The following ADAM12 variants were observed in gnomAD, a reference collection of about 807,000 sequenced individuals.
The protein encoded by ADAM12 is ADAM metallopeptidase domain 12.
ADAM12 carries 70 observed loss-of-function variants against 106.4 expected under a neutral mutation model. The ratio of observed to expected loss-of-function variants is 0.66; its 90% confidence interval spans 0.54 to 0.80. The LOEUF is 0.80. Among genes scored for constraint, ADAM12 ranks in the 30% least tolerant of loss-of-function variants. ADAM12 has a pLI of 0.00. For synonymous variants in ADAM12, 420 were observed against 433.5 expected (o/e 0.97, Z 0.39); for missense variants, 1,010 against 1,171.9 (o/e 0.86, Z 2.02).
intron 7 of ADAM12, 40 bp downstream of exon 7, chr10:126,109,735 C>A: frequency 1.9e-6 from 3 of 1,574,824 alleles, no homozygotes; most frequent in Non-Finnish European, 1.7e-6. Flanking sequence ...TTTCTTTTAT[C>A]TCTAACCAAC....
At chr10:126,029,520 T>C (rs1367257586) in intron 21 of ADAM12, among the ~76,000 whole-genome samples, 1 of 152,086 alleles carries the variant, frequency 6.6e-6, no homozygotes, top group East Asian at 1.9e-4. Context: ...TTTTCACTTA[T>C]TAAGTGGGAG....
intron 1 of ADAM12, among the ~76,000 whole-genome samples, chr10:126,345,483 T>C (rs545710127): frequency 1.3e-3 from 194 of 152,312 alleles, no homozygotes; most frequent in African/African-American, 4.5e-3. Flanking sequence ...TCTAAAATTC[T>C]CCTTTTTTGT....
In ADAM12 at chr10:126,053,246, G is replaced by C. The variant is rs191218705; in HGVS notation, c.1610-3577C>G. Among the ~76,000 whole-genome samples the C allele has an allele frequency of 6.6e-6, 1 of 152,256 alleles. No individual in the cohort carries two copies. Among genetic ancestry groups the C allele is most frequent in the Non-Finnish European group, 1.5e-5 (1 of 68,008 alleles). On this transcript the variant is annotated intron_variant, in intron 14 of 22. Coordinates refer to ENST00000448723, the MANE Select transcript of ADAM12 (RefSeq NM_001288973.2). This position sits in a 1 kb window ranked among gnomAD's most constrained non-coding sequence, Gnocchi z 4.6. The stretch of plus-strand genomic sequence containing the variant: ...CTTCCTGTAAAGCCTGCAGAACCAA[G>C]AACCAATTAAACCTTTTTTCTTTAT...
intron 5 of ADAM12, among the ~76,000 whole-genome samples, chr10:126,129,498 G>A (rs982877943): frequency 1.1e-4 from 16 of 152,208 alleles, no homozygotes; most frequent in African/African-American, 3.9e-4. Context: ...ACAGTTTGAT[G>A]TCTGTGCCCT....
At chr10:126,121,153 ATACTAT>A (rs1956093710) in intron 5 of ADAM12, among the ~76,000 whole-genome samples, 8 of 58,594 alleles carry the variant, frequency 1.4e-4, no homozygotes, top group Non-Finnish European at 2.4e-4. Flanking sequence ...TATACTATAT[ATACTAT>A]ATATACTATA....
rs1554989462 is a variant in ADAM12 at position 126,221,404 on chromosome 10, A to AAG, written c.260+57510_260+57511insCT. ...GACTCTGTCTCAAAAAAAAAAAAAA[A>AAG]AAAGAAAGAAAGAAAGAAAGAGAAG... On this transcript the variant is annotated intron_variant, in intron 3 of 22. Transcript: ENST00000448723. Among the ~76,000 whole-genome samples, 241 of 149,894 alleles carry AAG rather than the reference A, an allele frequency of 1.6e-3. 1 individual carries two copies. The highest frequency in any genetic ancestry group is 5.7e-3 in the African/African-American group (232 of 40,622).
chr10:126,298,101 C>G (rs115059051), intron 2 of ADAM12, among the ~76,000 whole-genome samples: 3,281 of 152,034 alleles, frequency 0.022, 126 homozygotes, highest in African/African-American at 0.073. Context: ...GCTTAGGCAC[C>G]AACCAACCAT....
At chr10:126,245,808 G>GT (rs1199612412) in intron 3 of ADAM12, among the ~76,000 whole-genome samples, 2 of 152,166 alleles carry the variant, frequency 1.3e-5, no homozygotes, top group African/African-American at 4.8e-5. Context: ...TGGCAAGAAA[G>GT]TGGCCCTTTC....
At chr10:126,095,301 G>C (rs958262566) in intron 10 of ADAM12, among the ~76,000 whole-genome samples, 11 of 150,390 alleles carry the variant, frequency 7.3e-5, no homozygotes, top group Non-Finnish European at 1.2e-4. Context: ...TTGCGAGGCT[G>C]AGGCAGGGGG....
intron 3 of ADAM12, among the ~76,000 whole-genome samples, chr10:126,195,548 T>C (rs1957581760): frequency 6.6e-6 from 1 of 152,064 alleles, no homozygotes; most frequent in East Asian, 1.9e-4. Flanking sequence ...CACTCCAGCC[T>C]GGGCAATAAG....
intron 22 of ADAM12, among the ~76,000 whole-genome samples, chr10:126,019,297 G>A (rs149475192): frequency 2.6e-5 from 4 of 152,186 alleles, no homozygotes; most frequent in South Asian, 2.1e-4. Context: ...TTTTCTTTAG[G>A]AATTACCCAG....
intron 3 of ADAM12, among the ~76,000 whole-genome samples, chr10:126,222,816 G>T (rs1958120038): frequency 6.6e-6 from 1 of 152,148 alleles, no homozygotes; most frequent in African/African-American, 2.4e-5. Context: ...AAAGCATCTA[G>T]TCTTCCTGGC....
intron 4 of ADAM12, among the ~76,000 whole-genome samples, chr10:126,151,507 A>G (rs967862251): frequency 6.6e-6 from 1 of 152,152 alleles, no homozygotes; most frequent in Non-Finnish European, 1.5e-5. Context: ...TAGGGTTTGT[A>G]AAATTTACTT....
chr10:126,114,641 T>C (rs1955946974), intron 6 of ADAM12, among the ~76,000 whole-genome samples: 1 of 152,062 alleles, frequency 6.6e-6, no homozygotes, highest in Non-Finnish European at 1.5e-5. Context: ...CACTACGCCC[T>C]GCTAATTTTT....
At chr10:126,207,420 AATTAAGGTCTGATATTTTATGTG>A (rs760612208) in intron 3 of ADAM12, among the ~76,000 whole-genome samples, 197 of 152,340 alleles carry the variant, frequency 1.3e-3, no homozygotes, top group Non-Finnish European at 2.3e-3. Context: ...AAGCTATTAT[AATTAAGGTCTGATATTTTATGTG>A]AAAGCACATT....
chr10:126,061,441 T>A (rs1954753817), intron 14 of ADAM12, among the ~76,000 whole-genome samples: 1 of 152,198 alleles, frequency 6.6e-6, no homozygotes, highest in South Asian at 2.1e-4. Flanking sequence ...TGCCTGTGGC[T>A]CCCCTAAAAG....
At chr10:126,051,246 G>A (rs1954474155) in intron 14 of ADAM12, among the ~76,000 whole-genome samples, 1 of 152,108 alleles carries the variant, frequency 6.6e-6, no homozygotes, top group Non-Finnish European at 1.5e-5. Flanking sequence ...TGGAAAAACT[G>A]GCATCTAGAA....
At chr10:126,048,953 T>C (rs1954398934) in intron 16 of ADAM12, among the ~76,000 whole-genome samples, 1 of 152,116 alleles carries the variant, frequency 6.6e-6, no homozygotes, top group East Asian at 1.9e-4. Context: ...CCAAAACCAA[T>C]AGAATATGCG....
At chr10:126,326,177 G>A (rs1171392574) in intron 2 of ADAM12, among the ~76,000 whole-genome samples, 2 of 151,790 alleles carry the variant, frequency 1.3e-5, no homozygotes, top group African/African-American at 2.4e-5. Flanking sequence ...TCTAAGCCTT[G>A]GGTGCTCACT....
Sources: gnomAD v4.1 joint callset for allele counts (sites outside exome capture counted in the v4.1 genomes callset) on GRCh38, gnomAD v4.1.1 for gene constraint, Gnocchi (gnomAD v3.1) non-coding constraint, MANE v1.5 for transcripts, NCBI Gene and HGNC (gene_info 2026-07-23, HGNC 2026-07-21) for gene names.